Variants in GNAS observed in about 807,000 individuals in gnomAD.
The protein encoded by GNAS is protein ALEX.
GNAS carries 8 observed loss-of-function variants against 54.5 expected under a neutral mutation model. The ratio of observed to expected loss-of-function variants is 0.15; its 90% CI spans 0.09 to 0.26. The LOEUF is 0.26. GNAS is among the 10% of genes least tolerant of loss of function. The pLI, the probability that GNAS is intolerant of heterozygous loss-of-function variation, is 1.00. For synonymous variants in GNAS, 204 were observed against 191.4 expected, an observed-to-expected ratio of 1.07 and a Z score of -0.54; for missense variants, 170 against 529.8, an observed-to-expected ratio of 0.32 and a Z score of 6.67.
chr20:58,869,551 G>T (rs1364250330), intron 1 of GNAS, among the ~76,000 whole-genome samples: 1 of 152,164 alleles, frequency 6.6e-6, no homozygotes, highest in African/African-American at 2.4e-5. Flanking sequence ...AAATCTAAGG[G>T]GCCTACCTGG....
chr20:58,861,097 C>T (rs1186267170), intron 1 of GNAS, among the ~76,000 whole-genome samples: 1 of 152,204 alleles, frequency 6.6e-6, no homozygotes, highest in African/African-American at 2.4e-5. Flanking sequence ...CCCCCAACCC[C>T]AGCAAAATTG....
chr20:58,869,420 T>C (rs2087287083), intron 1 of GNAS, among the ~76,000 whole-genome samples: 1 of 152,196 alleles, frequency 6.6e-6, no homozygotes, highest in Non-Finnish European at 1.5e-5. Context: ...TAATAGTTTC[T>C]GGGTCCCAAT....
At chr20:58,845,483 C>T (rs1162191028) in intron 1 of GNAS, among the ~76,000 whole-genome samples, 3 of 152,094 alleles carry the variant, frequency 2.0e-5, no homozygotes, top group African/African-American at 7.2e-5. Context: ...ACCGCATCCC[C>T]CAAAACCAGT....
At chr20:58,844,625 A>C (rs112232714) in intron 1 of GNAS, among the ~76,000 whole-genome samples, 97 of 152,222 alleles carry the variant, frequency 6.4e-4, no homozygotes, top group African/African-American at 2.2e-3. Flanking sequence ...TTCAGCTCCA[A>C]ATGTCTAGAT....
intron 1 of GNAS, among the ~76,000 whole-genome samples, chr20:58,893,405 A>G (rs1401000949): frequency 6.6e-6 from 1 of 152,198 alleles, no homozygotes. Flanking sequence ...CTTCCTTGAT[A>G]ATTTGGCTAT....
At chr20:58,891,966 C>A (rs1272894544) in intron 1 of GNAS, 101 bp downstream of exon 1, 2 of 775,194 alleles carry the variant, frequency 2.6e-6, no homozygotes, top group African/African-American at 3.8e-5. Context: ...GGCGCGCGCT[C>A]CCGAGCCCCC....
intron 1 of GNAS, among the ~76,000 whole-genome samples, chr20:58,868,937 C>A (rs954334039): frequency 2.6e-5 from 4 of 152,316 alleles, no homozygotes; most frequent in Non-Finnish European, 2.9e-5. Context: ...TTCAAAAATT[C>A]ACCCTTGCGC....
chr20:58,852,989 C>T (rs1164211416), intron 1 of GNAS: 2 of 1,248,920 alleles, frequency 1.6e-6, no homozygotes, highest in Non-Finnish European at 2.0e-6. Context: ...TAAGGATAGA[C>T]CAAGGAAGAG....
At chr20:58,847,843 T>C (rs1314434303) in intron 1 of GNAS, among the ~76,000 whole-genome samples, 1 of 152,226 alleles carries the variant, frequency 6.6e-6, no homozygotes, top group Non-Finnish European at 1.5e-5. Flanking sequence ...ACTTGAGATA[T>C]GCCTTATGCT....
chr20:58,909,306 T>G lies in GNAS; in HGVS notation c.586-44T>G, dbSNP rs375482426. ...CTTTAGATTGGCAATTATTACTGTTTCGGTTGGCTTTGGTGAGATCCATTG... is the reference window on the plus strand; with the variant it reads ...CTTTAGATTGGCAATTATTACTGTTGCGGTTGGCTTTGGTGAGATCCATTG... On this transcript the variant is annotated intron_variant, in intron 7 of 12. Transcript: ENST00000371085. The surrounding 1 kb of genome is among the most constrained non-coding windows in gnomAD (Gnocchi z 7.3). 1.4e-5 allele frequency: 22 copies of G among 1,591,300 alleles called. No individual in the cohort carries two copies. In the South Asian group the frequency reaches 2.3e-4, roughly 17 times the overall value.
chr20:58,868,683 G>A (rs2087222242), intron 1 of GNAS, among the ~76,000 whole-genome samples: 1 of 152,166 alleles, frequency 6.6e-6, no homozygotes, highest in South Asian at 2.1e-4. Flanking sequence ...CTCCTAAGGA[G>A]TTCTCGAATT....
At chr20:58,868,002 C>A (rs982014247) in intron 1 of GNAS, among the ~76,000 whole-genome samples, 1 of 151,210 alleles carries the variant, frequency 6.6e-6, no homozygotes, top group Admixed American at 6.6e-5. Flanking sequence ...ATAGTGGACA[C>A]CTCTCCTGTT....
At chr20:58,893,418 GAATA>G (rs1329319105) in intron 1 of GNAS, among the ~76,000 whole-genome samples, 1 of 152,058 alleles carries the variant, frequency 6.6e-6, no homozygotes, top group Admixed American at 6.5e-5. Context: ...TTGGCTATCT[GAATA>G]AATTTGTGAA....
rs755992522 is a variant in GNAS, at chr20:58,910,450, T to C, written c.1038+49T>C. On this transcript the variant is annotated intron_variant, in intron 12 of 12. Coordinates refer to ENST00000371085, the MANE Select transcript of GNAS (RefSeq NM_000516.7). This position sits in a 1 kb window ranked among gnomAD's most constrained non-coding sequence, Gnocchi z 5.8. ...TCCTCTCTTGTTCCTCCTCTTTTTC[T>C]CATGGATGTAAATTTACTTAATTCC... 4.2e-6 allele frequency: 6 copies of C among 1,414,574 alleles called. No homozygotes were observed. Among genetic ancestry groups the C allele is most frequent in the Non-Finnish European group, 6.0e-6 (6 of 998,172 alleles). 87.6% of individuals were successfully genotyped at this position (1,414,574 alleles called of 1,614,324 possible).
At chr20:58,866,189 C>G (rs1333151010) in intron 1 of GNAS, among the ~76,000 whole-genome samples, 1 of 152,154 alleles carries the variant, frequency 6.6e-6, no homozygotes, top group Admixed American at 6.5e-5. Context: ...GCTGGGTCTC[C>G]CTAGTCTCAG....
intron 1 of GNAS, chr20:58,855,672 C>T (rs1568930683): frequency 1.5e-6 from 1 of 687,336 alleles, no homozygotes. Flanking sequence ...GGGGAGGGGC[C>T]CCGGGGCCCC....
In GNAS at chr20:58,891,559, GC is replaced by G; in HGVS notation, c.-164del. On this transcript the variant is annotated 5_prime_UTR_variant, in exon 1 of 13. Transcript: ENST00000371085. ...CCCTCCCCTTCCCGCCCGTCCGCGCGCCCCGCGGCCCGCGGCCCGCAGTCCG... is the reference window on the plus strand; with the variant it reads ...CCCTCCCCTTCCCGCCCGTCCGCGCGCCCGCGGCCCGCGGCCCGCAGTCCG... 2 of 972,494 alleles carry G rather than the reference GC, an allele frequency of 2.1e-6. No homozygotes were observed. Among genetic ancestry groups the G allele is most frequent in the Non-Finnish European group, 2.4e-6 (2 of 822,528 alleles). 60.2% of individuals were successfully genotyped at this position (972,494 alleles called of 1,614,324 possible).
At chr20:58,871,195 C>T (rs1455325050) in intron 1 of GNAS, among the ~76,000 whole-genome samples, 8 of 152,202 alleles carry the variant, frequency 5.3e-5, no homozygotes, top group South Asian at 2.1e-4. Flanking sequence ...CTTTTGAAAT[C>T]CCGGGGTCCT....
intron 6 of GNAS, among the ~76,000 whole-genome samples, chr20:58,906,675 G>A (rs1018548099): frequency 3.3e-5 from 5 of 152,090 alleles, no homozygotes; most frequent in African/African-American, 1.2e-4. Flanking sequence ...GGGACTACAG[G>A]TGCCTGCCGC....
Sources: allele counts gnomAD v4.1 joint callset (sites outside exome capture counted in the v4.1 genomes callset), GRCh38; gene constraint gnomAD v4.1.1; non-coding constraint Gnocchi (gnomAD v3.1); transcripts MANE v1.5; gene names NCBI Gene and HGNC (gene_info 2026-07-23, HGNC 2026-07-21).